ZNF362: variants seen among roughly 807,000 people sequenced by gnomAD.
The protein encoded by ZNF362 is rotund homolog.
ZNF362 carries 11 observed loss-of-function variants against 42.9 expected under a neutral mutation model. The observed-to-expected ratio is 0.26, with a 90% CI of 0.16 to 0.42. The LOEUF is 0.42. Ranked by LOEUF, ZNF362 falls within the 20% of genes least tolerant of loss-of-function variation. ZNF362 has a pLI of 1.00. For missense variants in ZNF362, 362 were observed against 576.2 expected, an observed-to-expected ratio of 0.63 and a Z score of 3.81; for synonymous variants, 255 against 257.3, an observed-to-expected ratio of 0.99 and a Z score of 0.09.
intron 4 of ZNF362, among the ~76,000 whole-genome samples, chr1:33,277,464 T>G (rs745599551): frequency 6.6e-6 from 1 of 152,188 alleles, no homozygotes; most frequent in Non-Finnish European, 1.5e-5. Context: ...GACTTGACCC[T>G]TGGGCAGTGG....
intron 1 of ZNF362, among the ~76,000 whole-genome samples, chr1:33,263,249 G>A (rs1645841271): frequency 6.6e-6 from 1 of 152,208 alleles, no homozygotes; most frequent in African/African-American, 2.4e-5. Context: ...GGAGCCGGCA[G>A]CCCGTTTCTG....
intron 1 of ZNF362, chr1:33,261,508 GA>G (rs990768486): frequency 6.6e-6 from 1 of 152,090 alleles, no homozygotes; most frequent in African/African-American, 2.4e-5. Flanking sequence ...GTGCATTGTT[GA>G]ATGTAAGAAT....
chr1:33,187,569 T>C, the ZNF362 span, among the ~76,000 whole-genome samples: 1 of 152,202 alleles, frequency 6.6e-6, no homozygotes, highest in South Asian at 2.1e-4. Context: ...CTTCCGACTC[T>C]ACTACCCTTT....
At chr1:33,234,861 AGT>A in the ZNF362 span, among the ~76,000 whole-genome samples, 2 of 152,056 alleles carry the variant, frequency 1.3e-5, no homozygotes, top group Admixed American at 1.3e-4. Flanking sequence ...GAGATCAAAG[AGT>A]GGTTTCCCAG....
At chr1:33,270,979 C>T (rs1367324376) in intron 2 of ZNF362, among the ~76,000 whole-genome samples, 1 of 152,192 alleles carries the variant, frequency 6.6e-6, no homozygotes, top group Non-Finnish European at 1.5e-5. Context: ...TCCTTGGCCT[C>T]CAGCTTCAGG....
At chr1:33,166,898 G>A in the ZNF362 span, among the ~76,000 whole-genome samples, 3,052 of 152,148 alleles carry the variant, frequency 0.02, 85 homozygotes, top group African/African-American at 0.069. Context: ...TGGGTTTTTT[G>A]CATTAATTTT....
chr1:33,240,387 G>T, the ZNF362 span, among the ~76,000 whole-genome samples: 3 of 152,174 alleles, frequency 2.0e-5, no homozygotes, highest in Admixed American at 2.0e-4. Context: ...CAACAATTCA[G>T]TGATAAAACA....
In ZNF362 at chr1:33,294,949, C is replaced by G. The variant is rs140140466; in HGVS notation, c.921C>G (p.Gly307=). 1 of 1,614,076 alleles carries G rather than the reference C, an allele frequency of 6.2e-7. No individual in the cohort carries two copies. Among genetic ancestry groups the G allele is most frequent in the Non-Finnish European group, 8.5e-7 (1 of 1,179,982 alleles). ...HLQQHTRIHT[G]DRPYKCPHPG... is the part of the protein sequence containing the mutation. ...CTGCCCATTACAGAATCCACACAGG[C>G]GACAGACCCTACAAGTGCCCACATC... Residue 307 remains glycine (G), a synonymous_variant, in exon 7 of 9, where the codon GGC becomes GGG. Transcript: ENST00000539719. The surrounding 1 kb of genome is among the most constrained non-coding windows in gnomAD (Gnocchi z 4.2).
chr1:33,236,576 T>TATATATATATATATATAC, the ZNF362 span, among the ~76,000 whole-genome samples: 4 of 97,892 alleles, frequency 4.1e-5, no homozygotes, highest in East Asian at 1.6e-3. Flanking sequence ...TATATATACA[T>TATATATATATATATATAC]ACACACACAC....
chr1:33,207,037 G>T, the ZNF362 span, among the ~76,000 whole-genome samples: 2 of 152,038 alleles, frequency 1.3e-5, no homozygotes, highest in Admixed American at 6.6e-5. Flanking sequence ...TGCCATGTTG[G>T]TTTGCTGCAC....
chr1:33,260,606 C>A lies in ZNF362; in HGVS notation c.-89+3952C>A, dbSNP rs184698133. On this transcript the variant is annotated intron_variant, in intron 1 of 8. Transcript: ENST00000539719. ...TGAAACCCTCTCATTATTCGCATTTCTTGCCTGTCTACACCATTAGAACAT... is the reference window on the plus strand; with the variant it reads ...TGAAACCCTCTCATTATTCGCATTTATTGCCTGTCTACACCATTAGAACAT... Among the ~76,000 whole-genome samples, 38 of 152,332 alleles carry A rather than the reference C, an allele frequency of 2.5e-4. No individual in the cohort carries two copies. In the East Asian group the frequency reaches 4.6e-3, roughly 19 times the overall value.
upstream of ZNF362, among the ~76,000 whole-genome samples, chr1:33,252,749 C>A (rs1041784854): frequency 2.0e-5 from 3 of 152,116 alleles, no homozygotes; most frequent in Admixed American, 6.5e-5. Context: ...AGACATGGTT[C>A]CTTCCTTAAA....
the ZNF362 span, among the ~76,000 whole-genome samples, chr1:33,220,352 T>G: frequency 2.0e-5 from 3 of 152,150 alleles, no homozygotes; most frequent in South Asian, 6.2e-4. Context: ...CCTGCTAAAC[T>G]CTTTACAAGC....
At chr1:33,288,402 G>T (rs563949695) in intron 6 of ZNF362, among the ~76,000 whole-genome samples, 81 of 152,262 alleles carry the variant, frequency 5.3e-4, no homozygotes, top group Admixed American at 9.8e-4. Context: ...GTAGTCCAGG[G>T]CCACTAGCTT....
the ZNF362 span, among the ~76,000 whole-genome samples, chr1:33,205,135 T>TTG: frequency 0.026 from 3,965 of 151,234 alleles, 128 homozygotes; most frequent in African/African-American, 0.088. Context: ...CTGTGTGTTT[T>TTG]TGTGTGTGTG....
intron 1 of ZNF362, 91 bp downstream of exon 1, chr1:33,256,745 C>T (rs1645794223): frequency 6.9e-6 from 1 of 144,170 alleles, no homozygotes; most frequent in Non-Finnish European, 1.5e-5. Flanking sequence ...GGGCGGGGGC[C>T]GGGCCGGGGC....
intron 4 of ZNF362, among the ~76,000 whole-genome samples, chr1:33,278,347 G>A (rs1288314601): frequency 1.3e-5 from 2 of 152,038 alleles, no homozygotes; most frequent in African/African-American, 4.8e-5. Context: ...AAACATATAT[G>A]TTCCACTTTT....
the ZNF362 span, among the ~76,000 whole-genome samples, chr1:33,213,881 A>AAAAAC: frequency 1.3e-5 from 2 of 150,158 alleles, no homozygotes; most frequent in Admixed American, 6.6e-5. Context: ...ACAAAACAAA[A>AAAAAC]AAAACAAAAC....
chr1:33,215,041 C>T, the ZNF362 span, among the ~76,000 whole-genome samples: 1 of 152,184 alleles, frequency 6.6e-6, no homozygotes, highest in East Asian at 1.9e-4. Context: ...GATATCTGCG[C>T]TCCCATGTTT....
Sources: gnomAD v4.1 joint callset for allele counts (sites outside exome capture counted in the v4.1 genomes callset) on GRCh38, gnomAD v4.1.1 for gene constraint, Gnocchi (gnomAD v3.1) non-coding constraint, MANE v1.5 for transcripts, NCBI Gene and HGNC (gene_info 2026-07-23, HGNC 2026-07-21) for gene names.